Variants in DNAH3 observed in about 807,000 individuals in gnomAD.
DNAH3 encodes axonemal beta dynein heavy chain 3.
A neutral mutation model predicts 432.5 loss-of-function variants in DNAH3; 332 were observed. That is an observed-to-expected ratio of 0.77 (90% CI 0.70 to 0.84). The LOEUF (loss-of-function observed/expected upper bound fraction) is 0.84, where lower values mean the gene tolerates loss of function less well. Ranked by LOEUF, DNAH3 falls within the 40% of genes least tolerant of loss-of-function variation. The pLI is 0.00. For synonymous variants in DNAH3, 1,956 were observed against 1,900.2 expected (o/e 1.03, Z -0.76); for missense variants, 4,861 against 5,114.0 (o/e 0.95, Z 1.51).
At chr16:20,951,476 G>A (rs1196721125) in intron 56 of DNAH3, among the ~76,000 whole-genome samples, 2 of 147,258 alleles carry the variant, frequency 1.4e-5, no homozygotes, top group African/African-American at 2.5e-5. Context: ...ACAGGATCTC[G>A]CTCTGTCACC....
rs368104950 is a variant in DNAH3 at position 21,098,706 on chromosome 16, G to A, written c.2430C>T (p.Arg810=). ...TCATTTCTTCTGTAGTCATCACTTC[G>A]CGCTTCCTAAAACTTTCCAGTTCTC... Residue 810 remains arginine (R), a synonymous_variant, in exon 17 of 62, where the codon CGC becomes CGT. Coordinates refer to ENST00000261383, the Ensembl canonical transcript of DNAH3. The A allele has an allele frequency of 2.6e-4, 423 of 1,613,518 alleles. 1 individual carries two copies. The highest frequency in any genetic ancestry group is 6.6e-4 in the South Asian group (60 of 90,998).
At chr16:21,036,955 TC>T in intron 34 of DNAH3, 107 bp from the exon 35 acceptor site, 2 of 888,528 alleles carry the variant, frequency 2.3e-6, no homozygotes, top group Non-Finnish European at 3.4e-6. Context: ...TTTGAAAAAT[TC>T]CAGACCTTAT....
chr16:21,104,587 G>A (rs1597384447), intron 15 of DNAH3: 5 of 1,567,678 alleles, frequency 3.2e-6, no homozygotes, highest in African/African-American at 1.3e-5. Context: ...TCAATTTGAT[G>A]TCCTCATCTG....
At chr16:21,043,171 A>C (rs1396579842) in intron 31 of DNAH3, among the ~76,000 whole-genome samples, 2 of 151,822 alleles carry the variant, frequency 1.3e-5, no homozygotes, top group Non-Finnish European at 2.9e-5. Context: ...ATTTATAGTC[A>C]TTTGGGTATA....
At chr16:21,027,619 C>G (rs1300178648) in intron 37 of DNAH3, among the ~76,000 whole-genome samples, 1 of 152,164 alleles carries the variant, frequency 6.6e-6, no homozygotes, top group Non-Finnish European at 1.5e-5. Context: ...GCGGGTGGAT[C>G]ACTTGAGGTC....
chr16:21,100,135 A>C (rs538066340), intron 16 of DNAH3, among the ~76,000 whole-genome samples: 6 of 152,122 alleles, frequency 3.9e-5, no homozygotes, highest in Non-Finnish European at 8.8e-5. Flanking sequence ...GCAGTGGCAC[A>C]ATCTCGGCTC....
exon 43 of DNAH3, chr16:21,000,509 G>T: frequency 1.2e-6 from 2 of 1,604,052 alleles, no homozygotes; most frequent in Non-Finnish European, 1.7e-6. Flanking sequence ...GGGATGATGA[G>T]TTCTGAGACC....
chr16:21,031,369 C>T, intron 36 of DNAH3, 83 bp from the exon 37 acceptor site: 1 of 1,529,552 alleles, frequency 6.5e-7, no homozygotes, highest in African/African-American at 1.4e-5. Context: ...TCTCAACAAC[C>T]AATCAACTTT....
chr16:20,997,417 G>A, exon 44 of DNAH3: 1 of 1,614,134 alleles, frequency 6.2e-7, no homozygotes, highest in Admixed American at 1.7e-5. Context: ...GAGCTCGATG[G>A]GTGGCTGGGC....
exon 44 of DNAH3, chr16:20,997,443 G>A: frequency 6.2e-7 from 1 of 1,614,106 alleles, no homozygotes; most frequent in Non-Finnish European, 8.5e-7. Context: ...ACACCTCTTT[G>A]GCTGGCATGT....
Position 20,935,286 on chromosome 16 carries a change from A to T in DNAH3, c.11997+62T>A, listed in dbSNP as rs1402779002. The stretch of plus-strand genomic sequence containing the variant: ...ATCCACATTTTTTGACTCATAAGGA[A>T]ATTGGCAACATTGCTTTCTCTGGTC... On this transcript the variant is annotated intron_variant, in intron 61 of 61. Coordinates refer to ENST00000261383, the Ensembl canonical transcript of DNAH3. 1.9e-6 allele frequency: 3 copies of T among 1,595,008 alleles called. No homozygotes were observed. The African/African-American group carries it at 4.1e-5, about 22-fold the overall frequency.
At chr16:20,992,851 C>A (rs1243271328) in intron 44 of DNAH3, among the ~76,000 whole-genome samples, 3 of 152,066 alleles carry the variant, frequency 2.0e-5, no homozygotes, top group Non-Finnish European at 2.9e-5. Flanking sequence ...TGCCTAACTT[C>A]TTTTTTTAGT....
At chr16:21,133,851 T>C (rs2092604480) in intron 7 of DNAH3, among the ~76,000 whole-genome samples, 1 of 152,232 alleles carries the variant, frequency 6.6e-6, no homozygotes, top group Non-Finnish European at 1.5e-5. Flanking sequence ...TAGTAAGTTA[T>C]TTATTCCTCT....
At chr16:21,113,241 A>C (rs1396325648) in intron 12 of DNAH3, among the ~76,000 whole-genome samples, 2 of 152,046 alleles carry the variant, frequency 1.3e-5, no homozygotes, top group African/African-American at 4.8e-5. Context: ...ACCCAGGGGG[A>C]GGTAGTTGAA....
chr16:21,098,737 T>A (rs771095629), exon 17 of DNAH3: 1 of 1,613,324 alleles, frequency 6.2e-7, no homozygotes, highest in Non-Finnish European at 8.5e-7. Flanking sequence ...TTCTCTGTGG[T>A]AGCCCTCAAG....
At chr16:21,021,479 T>A (rs1260467056) in intron 40 of DNAH3, among the ~76,000 whole-genome samples, 1 of 152,098 alleles carries the variant, frequency 6.6e-6, no homozygotes, top group African/African-American at 2.4e-5. Flanking sequence ...CAAAAATCAA[T>A]GTCAGACAAA....
At chr16:20,979,436 A>G (rs1172600664) in exon 50 of DNAH3, 1 of 1,613,982 alleles carries the variant, frequency 6.2e-7, no homozygotes, top group African/African-American at 1.3e-5. Context: ...GGTTAGAATC[A>G]ATTCAAGGTA....
At chr16:20,953,752 A>AT (rs905127233) in intron 55 of DNAH3, among the ~76,000 whole-genome samples, 72 of 148,590 alleles carry the variant, frequency 4.8e-4, no homozygotes, top group Middle Eastern at 3.5e-3. Flanking sequence ...ATTTATTTTA[A>AT]TTTTTTTTTT....
In DNAH3 at chr16:20,994,709, T is replaced by C. The variant is rs374820258; in HGVS notation, c.6601+2574A>G. Reference sequence around the variant, plus strand: ...TACTTTTTGTCTCTGTCAATTTGACTACTTTGAGTACCTCGTATAAGTGGA... The same window carrying C: ...TACTTTTTGTCTCTGTCAATTTGACCACTTTGAGTACCTCGTATAAGTGGA... On this transcript the variant is annotated intron_variant, in intron 44 of 61. Coordinates refer to ENST00000261383, the Ensembl canonical transcript of DNAH3. Among the ~76,000 whole-genome samples the C allele has an allele frequency of 1.3e-3, 196 of 152,318 alleles. No individual in the cohort carries two copies. The South Asian group carries it at 0.04, about 31-fold the overall frequency.
Sources: allele counts gnomAD v4.1 joint callset (sites outside exome capture counted in the v4.1 genomes callset), GRCh38; gene constraint gnomAD v4.1.1; transcripts MANE v1.5; gene names NCBI Gene and HGNC (gene_info 2026-07-23, HGNC 2026-07-21).